The following ANGPTL1 variants were observed in gnomAD, a reference collection of about 807,000 sequenced individuals.
The protein encoded by ANGPTL1 is angiopoietin-related protein 1.
In ANGPTL1, 36 loss-of-function variants were observed where a neutral mutation model predicts 46.7. The ratio of observed to expected loss-of-function variants is 0.77; its 90% CI spans 0.59 to 1.02. The LOEUF is 1.02. Ranked by LOEUF, ANGPTL1 falls within the 50% of genes least tolerant of loss-of-function variation. The pLI, the probability that ANGPTL1 is intolerant of heterozygous loss-of-function variation, is 0.00. For synonymous variants in ANGPTL1, 221 were observed against 204.3 expected, an observed-to-expected ratio of 1.08 and a Z score of -0.69; for missense variants, 571 against 594.7, an observed-to-expected ratio of 0.96 and a Z score of 0.41.
chr1:178,852,566 C>G, intron 5 of ANGPTL1, 117 bp downstream of exon 5: 1 of 1,087,180 alleles, frequency 9.2e-7, no homozygotes. Context: ...GTATTTCCTG[C>G]CACAGTGACC....
chr1:178,856,202 G>GAGATATAT (rs1428022812), intron 3 of ANGPTL1, among the ~76,000 whole-genome samples: 67 of 83,898 alleles, frequency 8.0e-4, no homozygotes, highest in African/African-American at 1.1e-3. Context: ...GAGAGAGAGA[G>GAGATATAT]ATATATATAT....
At chr1:178,855,142 G>A (rs558234558) in intron 3 of ANGPTL1, among the ~76,000 whole-genome samples, 1 of 152,166 alleles carries the variant, frequency 6.6e-6, no homozygotes, top group Admixed American at 6.5e-5. Context: ...TTTGAGAAAT[G>A]TGTTATCTAT....
In ANGPTL1 at chr1:178,851,159, T is replaced by C. The variant is rs749957701; in HGVS notation, c.1446A>G (p.Ala482=). The change falls in exon 6 of 6, where the codon GCA becomes GCG. Residue 482 remains alanine (A), a synonymous_variant. Coordinates refer to ENST00000234816, the MANE Select transcript of ANGPTL1 (RefSeq NM_004673.4). The stretch of plus-strand genomic sequence containing the variant: ...CAATAGGCTTGATCATCATCTGAAC[T>C]GCTCTTAAGGAGTATGACCCGCCTC... ...EYRGGSYSLR[A]VQMMIKPID is the part of the protein sequence containing the mutation. The C allele has an allele frequency of 6.2e-7, 1 of 1,613,672 alleles. No individual in the cohort carries two copies. Among genetic ancestry groups the C allele is most frequent in the Non-Finnish European group, 8.5e-7 (1 of 1,179,768 alleles).
rs145129397 is a variant in ANGPTL1, at chr1:178,865,477, A to G, written c.300T>C (p.Asp100=). The G allele has an allele frequency of 7.2e-5, 116 of 1,613,986 alleles. No individual in the cohort carries two copies. Among genetic ancestry groups the G allele is most frequent in the Non-Finnish European group, 8.7e-5 (103 of 1,180,004 alleles). The change falls in exon 3 of 6, where the codon GAT becomes GAC. Residue 100 remains aspartate, a synonymous_variant. Transcript: ENST00000234816. ...DVLSRQKREI[D]VLQLVVDVDG... Reference sequence around the variant, plus strand: ...CTACATCCACCACCAGTTGCAGAACATCTATCTCCCGCTTCTGCCTGGAGA... The same window carrying G: ...CTACATCCACCACCAGTTGCAGAACGTCTATCTCCCGCTTCTGCCTGGAGA...
At position 178,851,020 on chromosome 1, in the gene ANGPTL1, C is replaced by T. The variant is rs1333526100; in HGVS notation, c.*109G>A. 3.7e-6 allele frequency: 4 copies of T among 1,071,634 alleles called. No individual in the cohort carries two copies. Among genetic ancestry groups the T allele is most frequent in the Non-Finnish European group, 5.1e-6 (4 of 787,366 alleles). The allele number at this position is 1,071,634 out of a possible 1,614,324, so 66.4% of individuals were successfully genotyped here. On this transcript the variant is annotated 3_prime_UTR_variant, in exon 6 of 6. Transcript: ENST00000234816. ...GTTACGGTAAAATTCATTTTAAAAACTTTCTGTGTAGAAATAAATTGTGCC... is the reference window on the plus strand; with the variant it reads ...GTTACGGTAAAATTCATTTTAAAAATTTTCTGTGTAGAAATAAATTGTGCC...
In ANGPTL1 at chr1:178,865,610, GGT is replaced by G; in HGVS notation, c.165_166del (p.Pro56Ter). ...GATTGGCCCTGTTATTCTTTGTTCA[GGT>G]ACCAGGAATGTGTATGCACATTTCT... On this transcript the variant is annotated frameshift_variant, in exon 3 of 6. Coordinates refer to ENST00000234816, the MANE Select transcript of ANGPTL1 (RefSeq NM_004673.4). LOFTEE classifies it high-confidence loss of function. The G allele has an allele frequency of 1.2e-6, 2 of 1,613,948 alleles. No individual in the cohort carries two copies. The highest frequency in any genetic ancestry group is 1.7e-6 in the Non-Finnish European group (2 of 1,179,942).
rs568104865 is a variant in ANGPTL1, at chr1:178,850,048, G to A, written c.*1081C>T. On this transcript the variant is annotated 3_prime_UTR_variant, in exon 6 of 6. Transcript: ENST00000234816. ...AGTTAAAGACACTGTGAGACTAAGC[G>A]TTACATACACTGTAAAATGAAATTA... 2.6e-5 allele frequency: 4 copies of A among 152,760 alleles called. No homozygotes were observed. Among genetic ancestry groups the A allele is most frequent in the Admixed American group, 6.5e-5 (1 of 15,300 alleles). 9.5% of individuals were successfully genotyped at this position (152,760 alleles called of 1,614,324 possible).
At chr1:178,854,527 G>A (rs1485233781) in intron 3 of ANGPTL1, among the ~76,000 whole-genome samples, 2 of 152,094 alleles carry the variant, frequency 1.3e-5, no homozygotes, top group African/African-American at 4.8e-5. Context: ...CAGCCCATGA[G>A]AATACATTTC....
chr1:178,862,734 G>A (rs1658122491), intron 3 of ANGPTL1, among the ~76,000 whole-genome samples: 1 of 152,060 alleles, frequency 6.6e-6, no homozygotes, highest in Non-Finnish European at 1.5e-5. Context: ...TATTGGAACA[G>A]ATGGTTTTTG....
intron 3 of ANGPTL1, among the ~76,000 whole-genome samples, chr1:178,859,086 T>G (rs550334472): frequency 2.0e-5 from 3 of 152,290 alleles, no homozygotes; most frequent in African/African-American, 7.2e-5. Context: ...TCTGTAATAA[T>G]ATGAATTACT....
Position 178,855,979 on chromosome 1 carries a change from A to AAT in ANGPTL1, c.824-2194_824-2193dup, listed in dbSNP as rs987034636. On this transcript the variant is annotated intron_variant, in intron 3 of 5. Transcript: ENST00000234816. The stretch of plus-strand genomic sequence containing the variant: ...ATATCTAATATAAGAACAAAAAAGT[A>AAT]ATATATATAAGAACAAAATATATAT... Among the ~76,000 whole-genome samples, 8 of 148,426 alleles carry AAT rather than the reference A, an allele frequency of 5.4e-5. No homozygotes were observed. The East Asian group carries it at 1.4e-3, about 25-fold the overall frequency.
intron 3 of ANGPTL1, among the ~76,000 whole-genome samples, chr1:178,863,837 C>T (rs1057483292): frequency 1.3e-5 from 2 of 152,118 alleles, no homozygotes; most frequent in African/African-American, 4.8e-5. Flanking sequence ...CTGTGAATAG[C>T]GAAGTGGTAT....
chr1:178,865,710 C>T lies in ANGPTL1; in HGVS notation c.67G>A (p.Gly23Ser), dbSNP rs1444841773. ...FLLVDTGHCRGGQFKIKKINQ... is the reference protein window; with the variant it reads ...FLLVDTGHCRSGQFKIKKINQ... ...ATTTTTTTAATTTTGAATTGTCCACCTCTGCAATGTCCAGTGTCCACTAGT... is the reference window on the plus strand; with the variant it reads ...ATTTTTTTAATTTTGAATTGTCCACTTCTGCAATGTCCAGTGTCCACTAGT... Residue 23 changes from glycine to serine, a missense_variant, in exon 3 of 6, where the codon GGT (glycine) becomes AGT (serine). Coordinates refer to ENST00000234816, the MANE Select transcript of ANGPTL1 (RefSeq NM_004673.4). 6.2e-7 allele frequency: 1 copy of T among 1,613,716 alleles called. No individual in the cohort carries two copies. The highest frequency in any genetic ancestry group is 2.2e-5 in the East Asian group (1 of 44,878).
intron 3 of ANGPTL1, among the ~76,000 whole-genome samples, chr1:178,858,890 A>T (rs1292077778): frequency 6.6e-6 from 1 of 152,206 alleles, no homozygotes; most frequent in Admixed American, 6.5e-5. Context: ...TTACAAAGAG[A>T]ATCCTTTTTA....
In ANGPTL1 at chr1:178,851,853, A is replaced by C. The variant is rs117205380; in HGVS notation, c.1289-537T>G. On this transcript the variant is annotated intron_variant, in intron 5 of 5. Coordinates refer to ENST00000234816, the MANE Select transcript of ANGPTL1 (RefSeq NM_004673.4). ...TGCCAAAATACAGCTGGAGAGAAAAACCAGTTTGGGACAGGGATGGGGGAG... is the reference window on the plus strand; with the variant it reads ...TGCCAAAATACAGCTGGAGAGAAAACCCAGTTTGGGACAGGGATGGGGGAG... 3.0e-3 allele frequency among the ~76,000 whole-genome samples: 461 copies of C among 152,228 alleles called. 9 individuals carry two copies. The East Asian group carries it at 0.061, about 20-fold the overall frequency.
chr1:178,851,396 C>T, intron 5 of ANGPTL1, 80 bp from the exon 6 acceptor site: 1 of 1,303,534 alleles, frequency 7.7e-7, no homozygotes, highest in Non-Finnish European at 1.0e-6. Flanking sequence ...ACTTATTCTA[C>T]CTTTAATTTG....
At chr1:178,869,457 A>G (rs1292423714) in intron 1 of ANGPTL1, among the ~76,000 whole-genome samples, 1 of 152,118 alleles carries the variant, frequency 6.6e-6, no homozygotes, top group African/African-American at 2.4e-5. Flanking sequence ...ATAAATAGTT[A>G]TCTGTGTAAT....
chr1:178,862,593 T>TTTTTTTTA lies in ANGPTL1; in HGVS notation c.823+2360_823+2361insTAAAAAAA, dbSNP rs781776762. Among the ~76,000 whole-genome samples the TTTTTTTTA allele has an allele frequency of 1.8e-4, 26 of 140,756 alleles. 1 individual carries two copies. The South Asian group carries it at 4.1e-3, about 22-fold the overall frequency. The allele number at this position is 140,756 out of a possible 152,430, so 92.3% of individuals were successfully genotyped here. On this transcript the variant is annotated intron_variant, in intron 3 of 5. Transcript: ENST00000234816. ...GGGCCTCAAGGAGGAGTTGCATTTT[T>TTTTTTTTA]TTTATTTATTTATTTATTTATTTAT...
At chr1:178,853,345 G>A (rs1657307045) in intron 4 of ANGPTL1, among the ~76,000 whole-genome samples, 1 of 152,104 alleles carries the variant, frequency 6.6e-6, no homozygotes, top group South Asian at 2.1e-4. Context: ...TCTTTGTAAA[G>A]TAGTAAGTAT....
Sources: allele counts gnomAD v4.1 joint callset (sites outside exome capture counted in the v4.1 genomes callset), GRCh38; gene constraint gnomAD v4.1.1; transcripts MANE v1.5; gene names NCBI Gene and HGNC (gene_info 2026-07-23, HGNC 2026-07-21).